BRI3: variants seen among roughly 807,000 people sequenced by gnomAD.
BRI3 encodes brain protein I3.
In BRI3, 6 loss-of-function variants were observed where a neutral mutation model predicts 12.8. The ratio of observed to expected loss-of-function variants is 0.47; its 90% confidence interval spans 0.26 to 0.93. BRI3 has a LOEUF of 0.93. Among genes scored for constraint, BRI3 ranks in the 40% least tolerant of loss-of-function variants. The pLI, the probability that BRI3 is intolerant of heterozygous loss-of-function variation, is 0.15. For synonymous variants in BRI3, 91 were observed against 76.1 expected (o/e 1.20, Z -1.02); for missense variants, 134 against 171.1 (o/e 0.78, Z 1.21).
downstream of BRI3, chr7:98,293,272 T>A: frequency 2.5e-6 from 1 of 407,070 alleles, no homozygotes; most frequent in Non-Finnish European, 4.4e-6. Flanking sequence ...TACTGTTTCT[T>A]GAACAGAATA....
chr7:98,283,287 C>T lies in BRI3; in HGVS notation c.245+834C>T, dbSNP rs1047864524. ...TAAGAAACCCTGGTTTGGACTTAGA[C>T]TTGATTTCAAAAGTGTGTGTGTAAG... On this transcript the variant is annotated intron_variant, in intron 2 of 2. Transcript: ENST00000297290. 2.0e-5 allele frequency among the ~76,000 whole-genome samples: 3 copies of T among 151,972 alleles called. No individual in the cohort carries two copies. The East Asian group carries it at 5.8e-4, about 29-fold the overall frequency.
chr7:98,286,251 C>G (rs1402745186), intron 2 of BRI3, among the ~76,000 whole-genome samples: 1 of 152,206 alleles, frequency 6.6e-6, no homozygotes, highest in Non-Finnish European at 1.5e-5. Context: ...CAGCTCAGAG[C>G]CCTGCTGCCA....
In BRI3 at chr7:98,300,535, GC is replaced by G. The variant is rs1194687107; in HGVS notation, c.72-5947del. On this transcript the variant is annotated intron_variant and NMD_transcript_variant, in intron 1 of 2. Coordinates refer to the BRI3 transcript ENST00000491463. Reference sequence around the variant, plus strand: ...AGCGTACTGATGTGGAGGCCAAGAAGCTGCTGGCTGAGATTTCAGAACTGGG... The same window carrying G: ...AGCGTACTGATGTGGAGGCCAAGAAGTGCTGGCTGAGATTTCAGAACTGGG... 4.6e-5 allele frequency among the ~76,000 whole-genome samples: 7 copies of G among 152,334 alleles called. No individual in the cohort carries two copies. In the East Asian group the frequency reaches 1.3e-3, roughly 29 times the overall value.
At chr7:98,320,342 T>G in the BRI3 span, 1 of 1,467,280 alleles carries the variant, frequency 6.8e-7, no homozygotes, top group Non-Finnish European at 9.3e-7. Flanking sequence ...CATTGCGTAT[T>G]TTTTTGTTTT....
At chr7:98,293,552 G>C (rs140138864), downstream of BRI3, 4 of 1,613,858 alleles carry the variant, frequency 2.5e-6, no homozygotes, top group Non-Finnish European at 3.4e-6. Context: ...GCGATCATTC[G>C]TCACAGTCGG....
chr7:98,313,008 T>C (rs1165281622), downstream of BRI3, among the ~76,000 whole-genome samples: 1 of 152,096 alleles, frequency 6.6e-6, no homozygotes, highest in African/African-American at 2.4e-5. Flanking sequence ...TGCGGCTGTG[T>C]GCATGGCAGT....
downstream of BRI3, among the ~76,000 whole-genome samples, chr7:98,296,870 A>G (rs1342373981): frequency 6.6e-6 from 1 of 152,148 alleles, no homozygotes; most frequent in Non-Finnish European, 1.5e-5. Context: ...AGGGTCTCAC[A>G]GCATCCTCCC....
intron 2 of BRI3, among the ~76,000 whole-genome samples, chr7:98,289,508 T>C (rs1377786302): frequency 6.6e-6 from 1 of 152,196 alleles, no homozygotes; most frequent in African/African-American, 2.4e-5. Flanking sequence ...AAGGCACAGG[T>C]AGTCATGCTT....
At chr7:98,305,060 T>TTG (rs1562966188), upstream of BRI3, among the ~76,000 whole-genome samples, 4 of 147,044 alleles carry the variant, frequency 2.7e-5, no homozygotes, top group Non-Finnish European at 6.0e-5. Context: ...TTTTTTTTTT[T>TTG]TTTTTTTTTT....
At chr7:98,284,506 G>A (rs935697729) in intron 2 of BRI3, among the ~76,000 whole-genome samples, 2 of 152,180 alleles carry the variant, frequency 1.3e-5, no homozygotes, top group Non-Finnish European at 2.9e-5. Flanking sequence ...ACGGTTCCCT[G>A]AACACACAAC....
At chr7:98,284,877 CCCTGCCCAAGG>C (rs1373720939) in intron 2 of BRI3, among the ~76,000 whole-genome samples, 1 of 152,230 alleles carries the variant, frequency 6.6e-6, no homozygotes, top group Non-Finnish European at 1.5e-5. Context: ...CCCTGCCTTG[CCCTGCCCAAGG>C]CCTGGGCCTC....
downstream of BRI3, chr7:98,310,717 C>T (rs554038416): frequency 1.0e-5 from 8 of 774,530 alleles, no homozygotes; most frequent in African/African-American, 5.6e-5. Flanking sequence ...GACAGAGTCT[C>T]GCTGTGTTGC....
rs780588396 is a variant in BRI3 at position 98,291,094 on chromosome 7, G to C, written c.246-17G>C. On this transcript the variant is annotated splice_polypyrimidine_tract_variant and intron_variant, in intron 2 of 2. Coordinates refer to ENST00000297290, the MANE Select transcript of BRI3 (RefSeq NM_015379.5). Reference sequence around the variant, plus strand: ...GGGTCCTTACGGTGCCACCCTCTCTGCCCGTCTCTGCTGCAGGGTTGGGGT... The same window carrying C: ...GGGTCCTTACGGTGCCACCCTCTCTCCCCGTCTCTGCTGCAGGGTTGGGGT... The C allele has an allele frequency of 2.5e-6, 4 of 1,612,338 alleles. No homozygotes were observed. The highest frequency in any genetic ancestry group is 3.4e-6 in the Non-Finnish European group (4 of 1,179,736).
downstream of BRI3, among the ~76,000 whole-genome samples, chr7:98,297,087 G>A (rs906099523): frequency 4.6e-5 from 7 of 152,224 alleles, no homozygotes; most frequent in South Asian, 6.2e-4. Context: ...CTAAGGCCAC[G>A]AAACCAGCAG....
intron 2 of BRI3, among the ~76,000 whole-genome samples, chr7:98,286,904 T>G (rs771640571): frequency 2.6e-5 from 4 of 152,262 alleles, no homozygotes; most frequent in Non-Finnish European, 5.9e-5. Flanking sequence ...CAGCGAGTTC[T>G]GCCTTCAGCG....
upstream of BRI3, among the ~76,000 whole-genome samples, chr7:98,301,560 G>A (rs771772227): frequency 1.6e-4 from 24 of 151,210 alleles, no homozygotes; most frequent in Non-Finnish European, 3.5e-4. Flanking sequence ...CTCGTGATCC[G>A]CCCACTTCGG....
chr7:98,287,586 T>G (rs903502398), intron 2 of BRI3, among the ~76,000 whole-genome samples: 1 of 152,136 alleles, frequency 6.6e-6, no homozygotes, highest in Admixed American at 6.5e-5. Context: ...AGCACTCAGG[T>G]GGGCCGGCGC....
At chr7:98,314,776 G>A (rs562272262), downstream of BRI3, among the ~76,000 whole-genome samples, 1 of 152,180 alleles carries the variant, frequency 6.6e-6, no homozygotes, top group East Asian at 1.9e-4. Context: ...CCCAGGTGGG[G>A]TAGACCTGGG....
downstream of BRI3, chr7:98,292,419 C>T: frequency 1.8e-6 from 1 of 564,110 alleles, no homozygotes; most frequent in Non-Finnish European, 3.2e-6. Context: ...GGTGATCCCC[C>T]TGCCTCGGCC....
Sources: allele counts gnomAD v4.1 joint callset (sites outside exome capture counted in the v4.1 genomes callset), GRCh38; gene constraint gnomAD v4.1.1; transcripts MANE v1.5; gene names NCBI Gene and HGNC (gene_info 2026-07-23, HGNC 2026-07-21).